MDM1: variants seen among roughly 807,000 people sequenced by gnomAD.
MDM1 encodes the protein stabilizer of axonemal microtubules 6.
In MDM1, 61 loss-of-function variants were observed where a neutral mutation model predicts 89.1. The ratio of observed to expected loss-of-function variants is 0.68; its 90% CI spans 0.56 to 0.85. MDM1 has a LOEUF of 0.85. Ranked by LOEUF, MDM1 falls within the 40% of genes least tolerant of loss-of-function variation. The pLI is 0.00. For synonymous variants in MDM1, 290 were observed against 294.1 expected (o/e 0.99, Z 0.14); for missense variants, 820 against 846.5 (o/e 0.97, Z 0.39).
intron 5 of MDM1, 60 bp downstream of exon 5, chr12:68,323,013 A>C (rs1875436131): frequency 6.6e-7 from 1 of 1,523,260 alleles, no homozygotes; most frequent in South Asian, 1.2e-5. Context: ...AGTAAACGAA[A>C]ACGTGGAGAA....
rs201196000 is a variant in MDM1, at chr12:68,313,638, G to A, written c.1639+6C>T. 2.9e-5 allele frequency: 46 copies of A among 1,612,142 alleles called. No individual in the cohort carries two copies. In the African/African-American group the frequency reaches 2.9e-4, roughly 10 times the overall value. Reference sequence around the variant, plus strand: ...AAATAAGAACTGCACGGTGTTTGCCGATTACCAACAGCTGGAGTAGTGAGA... The same window carrying A: ...AAATAAGAACTGCACGGTGTTTGCCAATTACCAACAGCTGGAGTAGTGAGA... On this transcript the variant is annotated splice_donor_region_variant and intron_variant, in intron 11 of 14. Transcript: ENST00000682720.
In MDM1 at chr12:68,331,135, T is replaced by G; in HGVS notation, c.105A>C (p.Pro35=). The stretch of plus-strand genomic sequence containing the variant: ...ATTGATCTGATCTAAGTCCAGCCCA[T>G]GGGTACTTTCGCCCCACGGAGGAAT... ...SCNSSVGRKY[P]WAGLRSDQLG... is the part of the protein sequence containing the mutation. The change falls in exon 2 of 15, where the codon CCA becomes CCC. Residue 35 remains proline (P), a synonymous_variant. Coordinates refer to ENST00000682720, the MANE Select transcript of MDM1 (RefSeq NM_001354969.2). The G allele has an allele frequency of 7.5e-6, 12 of 1,608,452 alleles. No individual in the cohort carries two copies. The highest frequency in any genetic ancestry group is 1.0e-5 in the Non-Finnish European group (12 of 1,174,776).
intron 5 of MDM1, among the ~76,000 whole-genome samples, chr12:68,322,074 T>C (rs1875305383): frequency 6.6e-6 from 1 of 152,238 alleles, no homozygotes; most frequent in Non-Finnish European, 1.5e-5. Flanking sequence ...TATATGTGTG[T>C]GTGTATACAT....
rs780232864 is a variant in MDM1, at chr12:68,327,015, G to A, written c.140C>T (p.Thr47Met). The change falls in exon 3 of 15, where the codon ACG becomes ATG. Residue 47 changes from threonine to methionine, a missense_variant. Transcript: ENST00000682720. The stretch of plus-strand genomic sequence containing the variant: ...TTTTGAAATAAAACTTGGCTCTTTC[G>A]TGATGCCTACAAAACACGGTATACA... ...AGLRSDQLGI[T>M]KEPSFISKRR... is the part of the protein sequence containing the mutation. 2.1e-5 allele frequency: 34 copies of A among 1,590,032 alleles called. No homozygotes were observed. Among genetic ancestry groups the A allele is most frequent in the East Asian group, 8.9e-5 (4 of 44,702 alleles).
intron 12 of MDM1, among the ~76,000 whole-genome samples, chr12:68,303,796 C>G (rs1872534050): frequency 6.6e-6 from 1 of 152,182 alleles, no homozygotes; most frequent in African/African-American, 2.4e-5. Flanking sequence ...CACATATATA[C>G]CTAAATACCT....
At chr12:68,305,939 A>C (rs1405939232) in intron 12 of MDM1, among the ~76,000 whole-genome samples, 4 of 151,642 alleles carry the variant, frequency 2.6e-5, no homozygotes, top group Non-Finnish European at 5.9e-5. Flanking sequence ...AAAGGGCCCA[A>C]AGCAATCCTA....
At chr12:68,303,855 C>A (rs1206663056) in intron 12 of MDM1, among the ~76,000 whole-genome samples, 1 of 152,196 alleles carries the variant, frequency 6.6e-6, no homozygotes, top group African/African-American at 2.4e-5. Context: ...GAGATATTTA[C>A]CTTCTTTTTT....
At chr12:68,304,226 C>T (rs1178175010) in intron 12 of MDM1, among the ~76,000 whole-genome samples, 3 of 151,974 alleles carry the variant, frequency 2.0e-5, no homozygotes, top group African/African-American at 4.8e-5. Flanking sequence ...CTGGTCAACA[C>T]GGCGAGACCC....
At chr12:68,328,291 T>G (rs1031442269) in intron 2 of MDM1, among the ~76,000 whole-genome samples, 7 of 152,216 alleles carry the variant, frequency 4.6e-5, no homozygotes, top group Non-Finnish European at 1.0e-4. Flanking sequence ...GTATTAAAAT[T>G]CAGATATGAG....
intron 7 of MDM1, among the ~76,000 whole-genome samples, chr12:68,319,677 T>C (rs1478874068): frequency 2.0e-5 from 3 of 152,216 alleles, no homozygotes; most frequent in Admixed American, 6.5e-5. Flanking sequence ...TTCTTATTCT[T>C]TTCCAACTTC....
chr12:68,321,401 C>G lies in MDM1; in HGVS notation c.951G>C (p.Gln317His), dbSNP rs1875207026. Residue 317 changes from glutamine (Q) to histidine (H), a missense_variant, in exon 7 of 15, where the codon CAG becomes CAC. Coordinates refer to ENST00000682720, the MANE Select transcript of MDM1 (RefSeq NM_001354969.2). ...EYRAKFLSPA[Q>H]YLYKAGAWTH... is the part of the protein sequence containing the mutation. ...TCCAAGCCCCAGCTTTATATAAATA[C>G]TGAGCTGGGCTCAGAAATTTTGCTC... 1.9e-6 allele frequency: 3 copies of G among 1,613,842 alleles called. No individual in the cohort carries two copies. Among genetic ancestry groups the G allele is most frequent in the Non-Finnish European group, 2.5e-6 (3 of 1,179,876 alleles).
intron 8 of MDM1, 85 bp downstream of exon 8, chr12:68,316,496 A>AGGGGACAGG: frequency 8.4e-7 from 1 of 1,187,160 alleles, no homozygotes. Context: ...CAGCTAAGAA[A>AGGGGACAGG]AATATTGACA....
At chr12:68,317,409 CA>C (rs568575138) in intron 7 of MDM1, among the ~76,000 whole-genome samples, 83 of 138,528 alleles carry the variant, frequency 6.0e-4, no homozygotes, top group African/African-American at 7.7e-4. Flanking sequence ...TCTTTCAGGG[CA>C]AAAAAAAAAG....
At chr12:68,314,850 T>A in intron 10 of MDM1, 98 bp downstream of exon 10, 1 of 1,030,366 alleles carries the variant, frequency 9.7e-7, no homozygotes, top group South Asian at 1.6e-5. Context: ...AATTTATTAG[T>A]CATAAAATCA....
intron 7 of MDM1, 148 bp downstream of exon 7, chr12:68,321,199 T>C (rs1875178005): frequency 6.3e-6 from 3 of 473,298 alleles, no homozygotes; most frequent in Non-Finnish European, 1.1e-5. Flanking sequence ...TACATTCTAA[T>C]ACATAAGTTC....
intron 4 of MDM1, among the ~76,000 whole-genome samples, chr12:68,324,350 C>G (rs1875657296): frequency 1.3e-5 from 2 of 151,982 alleles, no homozygotes; most frequent in South Asian, 2.1e-4. Context: ...TACACTTAAT[C>G]TCCAAAAAAA....
Position 68,294,769 on chromosome 12 carries a change from A to G in MDM1, c.*485T>C, listed in dbSNP as rs1278365151. 1 of 152,254 alleles carries G rather than the reference A, an allele frequency of 6.6e-6. No homozygotes were observed. Among genetic ancestry groups the G allele is most frequent in the Non-Finnish European group, 1.5e-5 (1 of 68,044 alleles). 9.4% of individuals were successfully genotyped at this position (152,254 alleles called of 1,614,324 possible). Reference sequence around the variant, plus strand: ...AAATATATACAGCTGGTGTTTTCAAAGTACAATTATCTTAACACTGCAAAC... The same window carrying G: ...AAATATATACAGCTGGTGTTTTCAAGGTACAATTATCTTAACACTGCAAAC... On this transcript the variant is annotated 3_prime_UTR_variant, in exon 15 of 15. Transcript: ENST00000682720.
intron 4 of MDM1, 139 bp downstream of exon 4, chr12:68,325,301 CA>C: frequency 7.4e-7 from 1 of 1,347,594 alleles, no homozygotes; most frequent in East Asian, 2.7e-5. Flanking sequence ...ATGATTTTAG[CA>C]AAACTCTCAT....
Position 68,326,948 on chromosome 12 carries a change from C to T in MDM1, c.207G>A (p.Leu69=). 1.2e-6 allele frequency: 2 copies of T among 1,613,910 alleles called. No individual in the cohort carries two copies. The highest frequency in any genetic ancestry group is 1.7e-6 in the Non-Finnish European group (2 of 1,179,990). The change falls in exon 3 of 15, where the codon CTG becomes CTA. Residue 69 remains leucine, a synonymous_variant. Transcript: ENST00000682720. ...TCTCTGAGATAGCTCCATTCCACTCCAGAGATTTTGAAATCTGTGGGTCAT... is the reference window on the plus strand; with the variant it reads ...TCTCTGAGATAGCTCCATTCCACTCTAGAGATTTTGAAATCTGTGGGTCAT... The part of the protein sequence containing the change: ...PYHDPQISKS[L]EWNGAISESN...
Sources: gnomAD v4.1 joint callset for allele counts (sites outside exome capture counted in the v4.1 genomes callset) on GRCh38, gnomAD v4.1.1 for gene constraint, MANE v1.5 for transcripts, NCBI Gene and HGNC (gene_info 2026-07-23, HGNC 2026-07-21) for gene names.